LRRC43: variants seen among roughly 807,000 people sequenced by gnomAD.
LRRC43 encodes the protein leucine rich repeat containing 43.
In LRRC43, 62 loss-of-function variants were observed where a neutral mutation model predicts 64.3. That is an observed-to-expected ratio of 0.96 (90% confidence interval 0.79 to 1.19). The LOEUF (loss-of-function observed/expected upper bound fraction) is 1.19. Among genes scored for constraint, LRRC43 ranks in the 50% most tolerant of loss-of-function variants. The pLI is 0.00. For missense variants in LRRC43, 868 were observed against 845.0 expected, an observed-to-expected ratio of 1.03 and a Z score of -0.34; for synonymous variants, 422 against 382.3, an observed-to-expected ratio of 1.10 and a Z score of -1.21.
intron 4 of LRRC43, chr12:122,189,291 G>A: frequency 2.7e-6 from 1 of 376,346 alleles, no homozygotes; most frequent in Non-Finnish European, 5.3e-6. Context: ...GAGGAACCTG[G>A]AGGGCATGCC....
At chr12:122,179,988 AGAG>A (rs1296143707), upstream of LRRC43, among the ~76,000 whole-genome samples, 935 of 150,036 alleles carry the variant, frequency 6.2e-3, 8 homozygotes, top group African/African-American at 0.022. Flanking sequence ...AAAAAAAAAA[AGAG>A]AGAGAGAAAG....
At chr12:122,170,140 G>T (rs1035175522) in intron 1 of LRRC43, among the ~76,000 whole-genome samples, 1 of 152,026 alleles carries the variant, frequency 6.6e-6, no homozygotes, top group African/African-American at 2.4e-5. Context: ...GAACTTGTGG[G>T]TATTTACTTT....
intron 6 of LRRC43, among the ~76,000 whole-genome samples, chr12:122,192,422 C>T (rs1953728988): frequency 6.6e-6 from 1 of 152,206 alleles, no homozygotes; most frequent in South Asian, 2.1e-4. Flanking sequence ...AGGCGTGAGC[C>T]ACCGCGCCTA....
At chr12:122,182,247 G>A (rs1288104154), upstream of LRRC43, among the ~76,000 whole-genome samples, 2 of 151,960 alleles carry the variant, frequency 1.3e-5, no homozygotes, top group Non-Finnish European at 2.9e-5. Flanking sequence ...AATTAGGCTG[G>A]GTGCGGTGGC....
At chr12:122,172,427 T>C in intron 1 of LRRC43, 1 of 1,612,978 alleles carries the variant, frequency 6.2e-7, no homozygotes, top group Non-Finnish European at 8.5e-7. Context: ...TGGTGGCCTG[T>C]TGGGCTCCAG....
intron 1 of LRRC43, among the ~76,000 whole-genome samples, chr12:122,169,592 T>C (rs1185000647): frequency 6.6e-6 from 1 of 151,662 alleles, no homozygotes; most frequent in Non-Finnish European, 1.5e-5. Context: ...GGCGGGCGCC[T>C]GTAGTCCCAG....
At position 122,200,841 on chromosome 12, in the gene LRRC43, G is replaced by A; in HGVS notation, c.1716G>A (p.Leu572=). The part of the protein sequence containing the change: ...LQVLGRGLVI[L]EPLLAGEPLV... ...TGCTGGGCCGGGGCCTGGTGATCCT[G>A]GAGCCCCTGCTCGCCGGGGAGCCCC... The change falls in exon 10 of 12, where the codon CTG becomes CTA. Residue 572 remains leucine, a synonymous_variant. Transcript: ENST00000339777. This position sits in a 1 kb window ranked among gnomAD's most constrained non-coding sequence, Gnocchi z 4.6. 2 of 1,613,210 alleles carry A rather than the reference G, an allele frequency of 1.2e-6. No individual in the cohort carries two copies. The highest frequency in any genetic ancestry group is 1.7e-6 in the Non-Finnish European group (2 of 1,179,986).
intron 1 of LRRC43, chr12:122,174,332 C>T: frequency 2.4e-6 from 2 of 827,888 alleles, no homozygotes; most frequent in Non-Finnish European, 3.9e-6. Flanking sequence ...AGAAAACACT[C>T]AAAAGTTCTA....
At position 122,203,284 on chromosome 12, in the gene LRRC43, G is replaced by A. The variant is rs201633922; in HGVS notation, c.1844-31G>A. Reference sequence around the variant, plus strand: ...GAGAACGCCAGCCCATCCGTCTCCCGGGGCTCATGCTCGCACTTAAATTTT... The same window carrying A: ...GAGAACGCCAGCCCATCCGTCTCCCAGGGCTCATGCTCGCACTTAAATTTT... On this transcript the variant is annotated intron_variant, in intron 11 of 11. Coordinates refer to ENST00000339777, the MANE Select transcript of LRRC43 (RefSeq NM_001098519.2). 6.0e-5 allele frequency: 96 copies of A among 1,603,430 alleles called. No homozygotes were observed. In the East Asian group the frequency reaches 1.9e-3, roughly 33 times the overall value.
rs375640450 is a variant in LRRC43, at chr12:122,191,450, C to G, written c.972C>G (p.Val324=). The G allele has an allele frequency of 1.2e-6, 2 of 1,613,994 alleles. No homozygotes were observed. Among genetic ancestry groups the G allele is most frequent in the Non-Finnish European group, 1.7e-6 (2 of 1,179,994 alleles). ...TCAGAGGAGTCCTGGACACCTCTGTCTTAGACCCGGAACCCAGGCCCGAAG... is the reference window on the plus strand; with the variant it reads ...TCAGAGGAGTCCTGGACACCTCTGTGTTAGACCCGGAACCCAGGCCCGAAG... ...GNIRGVLDTS[V]LDPEPRPEGP... The change falls in exon 6 of 12, where the codon GTC becomes GTG. Residue 324 remains valine (V), a synonymous_variant. Coordinates refer to ENST00000339777, the MANE Select transcript of LRRC43 (RefSeq NM_001098519.2).
chr12:122,182,522 CAAAAAA>C (rs71082944), upstream of LRRC43, among the ~76,000 whole-genome samples: 14 of 28,870 alleles, frequency 4.8e-4, no homozygotes, highest in South Asian at 2.6e-3. Flanking sequence ...AACTCGGTCT[CAAAAAA>C]AAAAAAAAAA....
At chr12:122,185,473 A>C (rs1268822182) in intron 2 of LRRC43, among the ~76,000 whole-genome samples, 1 of 152,178 alleles carries the variant, frequency 6.6e-6, no homozygotes, top group East Asian at 1.9e-4. Context: ...ACCCTGTCTC[A>C]ATCAATTAAG....
At chr12:122,174,033 C>A in intron 1 of LRRC43, 1 of 1,613,270 alleles carries the variant, frequency 6.2e-7, no homozygotes, top group South Asian at 1.1e-5. Flanking sequence ...CATCACACAC[C>A]CCTGCCCACC....
chr12:122,194,205 A>G (rs191572838), intron 7 of LRRC43, among the ~76,000 whole-genome samples: 3 of 151,310 alleles, frequency 2.0e-5, no homozygotes, highest in Admixed American at 2.0e-4. Context: ...GAGCACAAAT[A>G]TAAAGTTGTT....
chr12:122,185,515 CAATA>C (rs372490411), intron 2 of LRRC43, among the ~76,000 whole-genome samples: 157 of 152,202 alleles, frequency 1.0e-3, no homozygotes, highest in African/African-American at 3.7e-3. Flanking sequence ...GACTCTGTCT[CAATA>C]AATAAATAAA....
intron 1 of LRRC43, among the ~76,000 whole-genome samples, chr12:122,175,914 G>A (rs972858414): frequency 1.3e-5 from 2 of 152,140 alleles, no homozygotes; most frequent in Non-Finnish European, 2.9e-5. Flanking sequence ...TGATCTGCCC[G>A]CCTCAGATTC....
chr12:122,172,515 T>A, intron 1 of LRRC43: 2 of 1,614,032 alleles, frequency 1.2e-6, no homozygotes, highest in Non-Finnish European at 1.7e-6. Context: ...TTTACATTCA[T>A]GGGTGTCTGT....
chr12:122,197,049 G>A (rs753128637), intron 7 of LRRC43, among the ~76,000 whole-genome samples: 1 of 152,144 alleles, frequency 6.6e-6, no homozygotes, highest in Non-Finnish European at 1.5e-5. Context: ...GTCACGACAG[G>A]TCATTTATCT....
chr12:122,176,127 G>T (rs187726126), intron 1 of LRRC43, among the ~76,000 whole-genome samples: 1 of 152,190 alleles, frequency 6.6e-6, no homozygotes, highest in African/African-American at 2.4e-5. Flanking sequence ...GCACTGTGAC[G>T]GTTGGAGAGT....
Sources: gnomAD v4.1 joint callset for allele counts (sites outside exome capture counted in the v4.1 genomes callset) on GRCh38, gnomAD v4.1.1 for gene constraint, Gnocchi (gnomAD v3.1) non-coding constraint, MANE v1.5 for transcripts, NCBI Gene and HGNC (gene_info 2026-07-23, HGNC 2026-07-21) for gene names.